SNAPC4: variants seen among roughly 807,000 people sequenced by gnomAD.
SNAPC4 encodes snRNA-activating protein complex subunit 4.
SNAPC4 carries 127 observed loss-of-function variants against 151.3 expected under a neutral mutation model. The observed-to-expected ratio is 0.84, with a 90% CI of 0.73 to 0.97. The LOEUF is 0.97. Among genes scored for constraint, SNAPC4 ranks in the 50% least tolerant of loss-of-function variants. SNAPC4 has a pLI of 0.00. For synonymous variants in SNAPC4, 1,002 were observed against 824.4 expected (o/e 1.22, Z -3.69); for missense variants, 2,186 against 1,935.0 (o/e 1.13, Z -2.43).
At chr9:136,390,430 C>T (rs538497219) in intron 10 of SNAPC4, among the ~76,000 whole-genome samples, 284 of 151,826 alleles carry the variant, frequency 1.9e-3, no homozygotes, top group South Asian at 0.016. Context: ...TGGTGGGCGC[C>T]TGTAGTCCCA....
chr9:136,399,193 C>T (rs1044242349), intron 1 of SNAPC4, among the ~76,000 whole-genome samples: 6 of 152,348 alleles, frequency 3.9e-5, no homozygotes, highest in African/African-American at 7.2e-5. Flanking sequence ...AAACACCCAA[C>T]AACAAAGAGA....
At position 136,394,821 on chromosome 9, in the gene SNAPC4, C is replaced by G; in HGVS notation, c.529G>C (p.Glu177Gln). 6.2e-7 allele frequency: 1 copy of G among 1,613,912 alleles called. No individual in the cohort carries two copies. Among genetic ancestry groups the G allele is most frequent in the Non-Finnish European group, 8.5e-7 (1 of 1,179,992 alleles). ...TTACATTTGGTCACAAGGAGCTCCT[C>G]GAAAGCCTTGATCCCCTGGGCAGCC... The part of the protein sequence containing the change: ...EKAAQGIKAF[E>Q]ELLVTKWKNW... Residue 177 changes from glutamate to glutamine, a missense_variant, in exon 6 of 24, where the codon GAG (glutamate) becomes CAG (glutamine). By Grantham distance (29) the Glu-to-Gln change is conservative. Transcript: ENST00000684778.
intron 1 of SNAPC4, 135 bp from the exon 2 acceptor site, chr9:136,398,572 T>C (rs778230159): frequency 7.2e-6 from 7 of 972,754 alleles, no homozygotes; most frequent in Non-Finnish European, 9.2e-6. Flanking sequence ...AGAGAAAGAT[T>C]AATAGGCCAG....
rs555899356 is a variant in SNAPC4 at position 136,395,128 on chromosome 9, C to T, written c.471+170G>A. 2.6e-4 allele frequency among the ~76,000 whole-genome samples: 40 copies of T among 152,366 alleles called. No homozygotes were observed. In the South Asian group the frequency reaches 7.5e-3, roughly 28 times the overall value. ...TCACAGGGCAGTCCTGGCAGCCCAG[C>T]GCAGAGCAGAGGGCAGCTTGCCCAC... is the stretch of plus-strand genomic sequence containing the variant. On this transcript the variant is annotated intron_variant, in intron 5 of 23. Transcript: ENST00000684778.
Position 136,395,753 on chromosome 9 carries a change from G to A in SNAPC4, c.195C>T (p.Gly65=), listed in dbSNP as rs202101215. The A allele has an allele frequency of 5.0e-6, 8 of 1,611,944 alleles. No individual in the cohort carries two copies. The highest frequency in any genetic ancestry group is 2.2e-5 in the East Asian group (1 of 44,836). Residue 65 remains glycine, a synonymous_variant, in exon 4 of 24, where the codon GGC becomes GGT. Coordinates refer to ENST00000684778, the MANE Select transcript of SNAPC4 (RefSeq NM_003086.4). ...GATCGTCCTCGTCATTGCTGGCTTCGCCCCACCTTTCTTCTTCCTGGTAAC... is the reference window on the plus strand; with the variant it reads ...GATCGTCCTCGTCATTGCTGGCTTCACCCCACCTTTCTTCTTCCTGGTAAC... ...DPPISEEERW[G]EASNDEDDPK...
intron 14 of SNAPC4, among the ~76,000 whole-genome samples, chr9:136,384,488 C>G (rs560294340): frequency 1.7e-4 from 26 of 152,262 alleles, no homozygotes; most frequent in African/African-American, 6.0e-4. Context: ...GACTTCGCTA[C>G]AGAACACTCA....
chr9:136,399,040 A>G (rs994704129), intron 1 of SNAPC4, among the ~76,000 whole-genome samples: 1 of 152,260 alleles, frequency 6.6e-6, no homozygotes, highest in South Asian at 2.1e-4. Flanking sequence ...AGTGCCTGAC[A>G]CTAACAAATG....
At position 136,384,834 on chromosome 9, in the gene SNAPC4, C is replaced by T. The variant is rs1156485341; in HGVS notation, c.1326-20G>A. 8 of 1,464,132 alleles carry T rather than the reference C, an allele frequency of 5.5e-6. No homozygotes were observed. The highest frequency in any genetic ancestry group is 2.5e-5 in the South Asian group (2 of 81,504). The allele number at this position is 1,464,132 out of a possible 1,614,324, so 90.7% of individuals were successfully genotyped here. On this transcript the variant is annotated intron_variant, in intron 13 of 23. Coordinates refer to ENST00000684778, the MANE Select transcript of SNAPC4 (RefSeq NM_003086.4). The stretch of plus-strand genomic sequence containing the variant: ...AGATACCTGAACGTGACATGAAAAG[C>T]AAAGAACGTTTTAGATGCCGAGACG...
At chr9:136,390,771 G>C (rs1834043397) in intron 10 of SNAPC4, among the ~76,000 whole-genome samples, 1 of 151,382 alleles carries the variant, frequency 6.6e-6, no homozygotes, top group African/African-American at 2.4e-5. Flanking sequence ...ATTAAAAAAA[G>C]TTATGTGTAC....
intron 13 of SNAPC4, among the ~76,000 whole-genome samples, chr9:136,386,729 TG>T: frequency 6.6e-6 from 1 of 151,148 alleles, no homozygotes; most frequent in South Asian, 2.1e-4. Context: ...CCACTGAACC[TG>T]GCCTTCTACA....
chr9:136,394,708 G>A (rs886294991), intron 6 of SNAPC4, 92 bp downstream of exon 6: 61 of 1,147,778 alleles, frequency 5.3e-5, no homozygotes, highest in East Asian at 1.9e-4. Context: ...AACAGAGAGA[G>A]GTCTGAGAAC....
At chr9:136,397,705 G>T (rs1834324157) in intron 2 of SNAPC4, among the ~76,000 whole-genome samples, 2 of 140,068 alleles carry the variant, frequency 1.4e-5, no homozygotes, top group Non-Finnish European at 3.1e-5. Flanking sequence ...GAGCACGTGG[G>T]GTGGGGAGCA....
chr9:136,380,924 A>G (rs1833666641), intron 19 of SNAPC4, 74 bp from the exon 20 acceptor site: 2 of 862,870 alleles, frequency 2.3e-6, no homozygotes, highest in Non-Finnish European at 1.9e-6. Context: ...GCCTAGGCAG[A>G]ACCTGGGGCA....
Position 136,394,043 on chromosome 9 carries a change from G to A in SNAPC4, c.632+206C>T, listed in dbSNP as rs574021012. 1.3e-4 allele frequency among the ~76,000 whole-genome samples: 20 copies of A among 152,292 alleles called. No individual in the cohort carries two copies. The South Asian group carries it at 2.3e-3, about 17-fold the overall frequency. ...ATCGATCCTCCCACCTCAGCCTCCC[G>A]AGTAGCTGGGACCACAGGTGTGCAC... On this transcript the variant is annotated intron_variant, in intron 7 of 23. Transcript: ENST00000684778.
intron 16 of SNAPC4, 60 bp from the exon 17 acceptor site, chr9:136,382,396 C>A (rs71508854): frequency 3.6e-6 from 5 of 1,372,838 alleles, no homozygotes; most frequent in Non-Finnish European, 5.2e-6. Flanking sequence ...TGGGGGCCCT[C>A]CCCTCGCTGC....
chr9:136,380,428 T>C (rs1036089791), intron 20 of SNAPC4, among the ~76,000 whole-genome samples: 3 of 152,154 alleles, frequency 2.0e-5, no homozygotes, highest in African/African-American at 7.2e-5. Context: ...CTCGCTGAAC[T>C]TCTGTGAGTT....
chr9:136,392,841 T>A, intron 7 of SNAPC4, 64 bp from the exon 8 acceptor site: 1 of 1,327,008 alleles, frequency 7.5e-7, no homozygotes, highest in Non-Finnish European at 1.1e-6. Context: ...GCAGGTTCTC[T>A]GCACATTACA....
In SNAPC4 at chr9:136,392,776, G is replaced by A; in HGVS notation, c.634C>T (p.Leu212Phe). ...CTCTGCTTCTGGTGCAAGTACTCGA[G>A]CCTGCAAAGCAGAGCAGAGGCAGAA... ...QRLLQPKLLK[L>F]EYLHQKQSKV... The change falls in exon 8 of 24, where the codon CTC becomes TTC. Residue 212 changes from leucine (L) to phenylalanine (F), a missense_variant and splice_region_variant. Leu to Phe is a conservative substitution (Grantham distance 22, BLOSUM62 0). Transcript: ENST00000684778. 1 of 1,613,232 alleles carries A rather than the reference G, an allele frequency of 6.2e-7. No homozygotes were observed. The highest frequency in any genetic ancestry group is 8.5e-7 in the Non-Finnish European group (1 of 1,179,886).
At chr9:136,391,841 G>A in intron 10 of SNAPC4, 101 bp downstream of exon 10, 1 of 1,282,570 alleles carries the variant, frequency 7.8e-7, no homozygotes, top group Non-Finnish European at 1.1e-6. Context: ...ACCTGGCGGT[G>A]AGTGAGCACT....
Sources: gnomAD v4.1 joint callset for allele counts (sites outside exome capture counted in the v4.1 genomes callset) on GRCh38, gnomAD v4.1.1 for gene constraint, MANE v1.5 for transcripts, NCBI Gene and HGNC (gene_info 2026-07-23, HGNC 2026-07-21) for gene names.